Variants in EPHA4 observed in about 807,000 individuals in gnomAD.
The protein encoded by EPHA4 is ephrin type-A receptor 4.
A neutral mutation model predicts 108.3 loss-of-function variants in EPHA4; 19 were observed. The observed-to-expected ratio is 0.18, with a 90% CI of 0.12 to 0.26. The LOEUF is 0.26. Ranked by LOEUF, EPHA4 falls within the 10% of genes least tolerant of loss-of-function variation. EPHA4 has a pLI of 1.00. For synonymous variants in EPHA4, 449 were observed against 455.5 expected, an observed-to-expected ratio of 0.99 and a Z score of 0.18; for missense variants, 917 against 1,254.0, an observed-to-expected ratio of 0.73 and a Z score of 4.06.
intron 2 of EPHA4, 63 bp downstream of exon 2, chr2:221,568,655 T>C (rs548108722): frequency 2.9e-6 from 4 of 1,358,596 alleles, no homozygotes; most frequent in South Asian, 1.3e-5. Context: ...CCATTAGGAC[T>C]CTCAGAAAGT....
intron 2 of EPHA4, among the ~76,000 whole-genome samples, chr2:221,566,229 G>T (rs544488431): frequency 1.3e-5 from 2 of 150,566 alleles, no homozygotes; most frequent in East Asian, 1.9e-4. Flanking sequence ...AAATCAAGTT[G>T]TTTTTTTTTC....
In EPHA4 at chr2:221,571,859, G is replaced by T. The variant is rs977760607; in HGVS notation, c.91+299C>A. On this transcript the variant is annotated intron_variant, in intron 1 of 17. Coordinates refer to ENST00000281821, the MANE Select transcript of EPHA4 (RefSeq NM_004438.5). This position sits in a 1 kb window ranked among gnomAD's most constrained non-coding sequence, Gnocchi z 6.3. The stretch of plus-strand genomic sequence containing the variant: ...TTTTTAAATCCCGGCGTTGTCTCCC[G>T]TGCATCCCCTCAGGGCGCCTCGAGC... Among the ~76,000 whole-genome samples, 2 of 152,096 alleles carry T rather than the reference G, an allele frequency of 1.3e-5. No individual in the cohort carries two copies. Among genetic ancestry groups the T allele is most frequent in the African/African-American group, 2.4e-5 (1 of 41,404 alleles).
chr2:221,450,667 C>T (rs1054486358), intron 8 of EPHA4, among the ~76,000 whole-genome samples: 2 of 152,056 alleles, frequency 1.3e-5, no homozygotes, highest in African/African-American at 4.8e-5. Context: ...ATAAATTTTG[C>T]CATAACCACT....
chr2:221,494,299 G>A (rs1368293484), intron 4 of EPHA4, among the ~76,000 whole-genome samples: 1 of 152,150 alleles, frequency 6.6e-6, no homozygotes, highest in Non-Finnish European at 1.5e-5. Flanking sequence ...ACAATAAGGG[G>A]TTGGAAAAGA....
At position 221,437,093 on chromosome 2, in the gene EPHA4, T is replaced by C. The variant is rs1296426407; in HGVS notation, c.2104A>G (p.Met702Val). 1.2e-6 allele frequency: 2 copies of C among 1,612,780 alleles called. No individual in the cohort carries two copies. The highest frequency in any genetic ancestry group is 2.2e-5 in the East Asian group (1 of 44,864). Residue 702 changes from methionine to valine, a missense_variant, in exon 12 of 18, where the codon ATG becomes GTG. This residue lies in a region of EPHA4 where 758 missense variants were observed against 1,076.7 expected (regional missense o/e 0.70). Transcript: ENST00000281821. ...AATGCATCCAAGGAGCCATTCTCCATGTACTCTGTTATGATCATTACTGGT... is the reference window on the plus strand; with the variant it reads ...AATGCATCCAAGGAGCCATTCTCCACGTACTCTGTTATGATCATTACTGGT... The part of the protein sequence containing the change: ...CKPVMIITEY[M>V]ENGSLDAFLR...
At chr2:221,434,905 A>T (rs1167466958) in intron 13 of EPHA4, among the ~76,000 whole-genome samples, 1 of 152,228 alleles carries the variant, frequency 6.6e-6, no homozygotes, top group Non-Finnish European at 1.5e-5. Context: ...AAATTAAAAA[A>T]AAAAGACTTG....
At chr2:221,573,928 G>A (rs1023362190), upstream of EPHA4, 1 of 152,208 alleles carries the variant, frequency 6.6e-6, no homozygotes, top group African/African-American at 2.4e-5. The surrounding 1 kb of genome is among the most constrained non-coding windows in gnomAD (Gnocchi z 4.5). Context: ...AGATGGAATC[G>A]GAAAGCGTTT....
chr2:221,559,583 A>AT (rs1241168711), intron 3 of EPHA4, among the ~76,000 whole-genome samples: 1 of 152,160 alleles, frequency 6.6e-6, no homozygotes, highest in African/African-American at 2.4e-5. Flanking sequence ...TTAAAAAAAA[A>AT]TTTAATGGAA....
At chr2:221,544,165 C>A (rs1409833851) in intron 3 of EPHA4, among the ~76,000 whole-genome samples, 1 of 152,132 alleles carries the variant, frequency 6.6e-6, no homozygotes, top group Non-Finnish European at 1.5e-5. Flanking sequence ...GTTAAGATTT[C>A]AACATATAAA....
At chr2:221,556,712 G>A (rs930770791) in intron 3 of EPHA4, among the ~76,000 whole-genome samples, 3 of 151,936 alleles carry the variant, frequency 2.0e-5, no homozygotes, top group African/African-American at 4.8e-5. Flanking sequence ...TTTGCCTACC[G>A]AAGGTACAGT....
intron 3 of EPHA4, among the ~76,000 whole-genome samples, chr2:221,548,267 G>T (rs980284047): frequency 1.3e-5 from 2 of 152,036 alleles, no homozygotes; most frequent in African/African-American, 4.8e-5. Flanking sequence ...TGAGGCAGGG[G>T]AATCGCTTGA....
chr2:221,472,402 C>A (rs1244108388), intron 5 of EPHA4, among the ~76,000 whole-genome samples: 1 of 151,724 alleles, frequency 6.6e-6, no homozygotes, highest in Non-Finnish European at 1.5e-5. Context: ...CCGTTGTAAG[C>A]TACCCCCTTT....
chr2:221,520,295 A>T (rs947592417), intron 3 of EPHA4, among the ~76,000 whole-genome samples: 1 of 152,128 alleles, frequency 6.6e-6, no homozygotes, highest in Non-Finnish European at 1.5e-5. Flanking sequence ...ACCTACAAAT[A>T]ATGAAATTTT....
chr2:221,508,130 A>C (rs1341071096), intron 3 of EPHA4, among the ~76,000 whole-genome samples: 1 of 152,206 alleles, frequency 6.6e-6, no homozygotes, highest in Non-Finnish European at 1.5e-5. Context: ...ACCCGTGTCT[A>C]AGTAAACTCT....
chr2:221,452,707 T>C (rs1574575368), intron 8 of EPHA4, among the ~76,000 whole-genome samples: 1 of 85,112 alleles, frequency 1.2e-5, no homozygotes, highest in African/African-American at 3.4e-5. Context: ...CCTTGGGAAG[T>C]GACATTTTTT....
intron 5 of EPHA4, among the ~76,000 whole-genome samples, chr2:221,463,558 C>A (rs759397719): frequency 4.1e-4 from 62 of 152,172 alleles, no homozygotes; most frequent in Admixed American, 5.9e-4. Context: ...AACAGTGGTG[C>A]ATTTCACAAG....
At chr2:221,555,129 T>C (rs951984069) in intron 3 of EPHA4, among the ~76,000 whole-genome samples, 1 of 152,068 alleles carries the variant, frequency 6.6e-6, no homozygotes, top group African/African-American at 2.4e-5. Flanking sequence ...TTATTTTGCA[T>C]GGGGCAGGGG....
chr2:221,498,044 T>C (rs1251786848), intron 4 of EPHA4, among the ~76,000 whole-genome samples: 1 of 152,210 alleles, frequency 6.6e-6, no homozygotes, highest in Non-Finnish European at 1.5e-5. Flanking sequence ...CACAGCCTTA[T>C]TACACATACA....
chr2:221,562,201 C>A (rs897700615), intron 3 of EPHA4, among the ~76,000 whole-genome samples: 1 of 141,504 alleles, frequency 7.1e-6, no homozygotes. Context: ...TAAATTTACA[C>A]ATTTCCTTTT....
Sources: allele counts gnomAD v4.1 joint callset (sites outside exome capture counted in the v4.1 genomes callset), GRCh38; gene constraint gnomAD v4.1.1; regional missense constraint gnomAD v4.1.1; non-coding constraint Gnocchi (gnomAD v3.1); transcripts MANE v1.5; gene names NCBI Gene and HGNC (gene_info 2026-07-23, HGNC 2026-07-21).